Variants in CACNA2D3 observed in about 807,000 individuals in gnomAD.
CACNA2D3 encodes the protein calcium voltage-gated channel auxiliary subunit alpha2delta 3.
CACNA2D3 carries 60 observed loss-of-function variants against 160.6 expected under a neutral mutation model. The ratio of observed to expected loss-of-function variants is 0.37; its 90% CI spans 0.30 to 0.46. The LOEUF is 0.46. Among genes scored for constraint, CACNA2D3 ranks in the 20% least tolerant of loss-of-function variants. The probability of loss-of-function intolerance (pLI) is 1.00; values close to 1 mark genes in which losing one functional copy is unlikely to be tolerated. For missense variants in CACNA2D3, 1,205 were observed against 1,365.0 expected, an observed-to-expected ratio of 0.88 and a Z score of 1.85; for synonymous variants, 558 against 492.9, an observed-to-expected ratio of 1.13 and a Z score of -1.75.
intron 2 of CACNA2D3, among the ~76,000 whole-genome samples, chr3:54,298,628 G>A (rs58976292): frequency 0.23 from 35,315 of 151,896 alleles, 4,313 homozygotes; most frequent in South Asian, 0.34. Flanking sequence ...GCAAAACCTT[G>A]TCTCTATAAA....
intron 25 of CACNA2D3, among the ~76,000 whole-genome samples, chr3:54,892,577 G>C (rs1315374535): frequency 6.6e-6 from 1 of 152,108 alleles, no homozygotes; most frequent in Non-Finnish European, 1.5e-5. Flanking sequence ...TTTGATTATA[G>C]TTGCAACTTG....
rs550478745 is a variant in CACNA2D3 at position 54,920,466 on chromosome 3, G to T, written c.2449+20598G>T. Among the ~76,000 whole-genome samples the T allele has an allele frequency of 5.9e-5, 9 of 152,288 alleles. No individual in the cohort carries two copies. The South Asian group carries it at 1.9e-3, about 32-fold the overall frequency. ...TCTCTAGCAATCCTTTGAGGAAACAGTCCTCACCCTAAAGCAGAAAGATAA... is the reference window on the plus strand; with the variant it reads ...TCTCTAGCAATCCTTTGAGGAAACATTCCTCACCCTAAAGCAGAAAGATAA... On this transcript the variant is annotated intron_variant, in intron 27 of 37. Coordinates refer to ENST00000474759, the MANE Select transcript of CACNA2D3 (RefSeq NM_018398.3).
intron 5 of CACNA2D3, among the ~76,000 whole-genome samples, chr3:54,534,990 C>T (rs1054823981): frequency 6.6e-6 from 1 of 152,182 alleles, no homozygotes; most frequent in Non-Finnish European, 1.5e-5. Flanking sequence ...CAATTCTTCT[C>T]TGACTTTATT....
In CACNA2D3 at chr3:54,536,631, G is replaced by C. The variant is rs371865918; in HGVS notation, c.545-26169G>C. Reference sequence around the variant, plus strand: ...TGCTGCTGCTCTGTGAGCCAGCTCTGGGTAGGTGGCCAGTGAACAGACTGG... The same window carrying C: ...TGCTGCTGCTCTGTGAGCCAGCTCTCGGTAGGTGGCCAGTGAACAGACTGG... On this transcript the variant is annotated intron_variant, in intron 5 of 37. Transcript: ENST00000474759. 2.2e-4 allele frequency among the ~76,000 whole-genome samples: 33 copies of C among 152,304 alleles called. No individual in the cohort carries two copies. The South Asian group carries it at 6.6e-3, about 31-fold the overall frequency.
intron 27 of CACNA2D3, among the ~76,000 whole-genome samples, chr3:54,907,321 T>C (rs891909558): frequency 1.3e-5 from 2 of 152,140 alleles, no homozygotes; most frequent in African/African-American, 2.4e-5. Context: ...GGTGCAGAGG[T>C]TGGATCTCTA....
chr3:54,365,586 G>A (rs954849662), intron 3 of CACNA2D3, among the ~76,000 whole-genome samples: 7 of 152,124 alleles, frequency 4.6e-5, no homozygotes, highest in Non-Finnish European at 5.9e-5. Flanking sequence ...CTATCTGGCC[G>A]GTCACAGTGG....
intron 13 of CACNA2D3, among the ~76,000 whole-genome samples, chr3:54,785,553 C>G (rs1418576586): frequency 1.3e-5 from 2 of 152,142 alleles, no homozygotes. Flanking sequence ...CTCTTGTTTT[C>G]TTTTGTTGTA....
chr3:54,790,720 C>T (rs966266687), intron 13 of CACNA2D3, among the ~76,000 whole-genome samples: 4 of 152,118 alleles, frequency 2.6e-5, no homozygotes, highest in Non-Finnish European at 5.9e-5. Flanking sequence ...CATTGTCACT[C>T]GCACCTCTGG....
chr3:54,225,200 G>C (rs981604446), intron 2 of CACNA2D3, among the ~76,000 whole-genome samples: 1 of 151,882 alleles, frequency 6.6e-6, no homozygotes, highest in Non-Finnish European at 1.5e-5. Flanking sequence ...GAGAAGATGC[G>C]GTGTTTGGTT....
intron 17 of CACNA2D3, among the ~76,000 whole-genome samples, chr3:54,859,988 A>T (rs1424989090): frequency 6.6e-6 from 1 of 151,364 alleles, no homozygotes; most frequent in Non-Finnish European, 1.5e-5. Flanking sequence ...ACACACACAC[A>T]CACACACACA....
chr3:54,800,585 C>T (rs1258070250), intron 13 of CACNA2D3, among the ~76,000 whole-genome samples: 1 of 152,106 alleles, frequency 6.6e-6, no homozygotes, highest in African/African-American at 2.4e-5. Flanking sequence ...TGTGGGGGGC[C>T]TTCCCTCCAC....
At chr3:54,342,458 G>A (rs1397355068) in intron 3 of CACNA2D3, among the ~76,000 whole-genome samples, 1 of 152,124 alleles carries the variant, frequency 6.6e-6, no homozygotes. Context: ...CATGGAGAGG[G>A]CATGTGCAGG....
Position 54,185,370 on chromosome 3 carries a change from G to C in CACNA2D3, c.204+61776G>C, listed in dbSNP as rs77223441. On this transcript the variant is annotated intron_variant, in intron 2 of 37. Transcript: ENST00000474759. ...AAATTCTACTTTAATTTTTTCCCAA[G>C]TATTTGCACATTAAGGGCTCTTAGA... Among the ~76,000 whole-genome samples, 486 of 152,122 alleles carry C rather than the reference G, an allele frequency of 3.2e-3. 20 individuals carry two copies. In the East Asian group the frequency reaches 0.083, roughly 26 times the overall value.
intron 27 of CACNA2D3, chr3:54,901,313 GTCA>G (rs1398503435): frequency 6.6e-6 from 1 of 152,164 alleles, no homozygotes; most frequent in Non-Finnish European, 1.5e-5. Flanking sequence ...TTCTAGTTTA[GTCA>G]TCATGAAGGA....
intron 11 of CACNA2D3, among the ~76,000 whole-genome samples, chr3:54,650,309 C>T (rs1280639150): frequency 1.3e-5 from 2 of 151,978 alleles, no homozygotes; most frequent in Non-Finnish European, 2.9e-5. Context: ...AGTGGTTACT[C>T]ATGCCTCAGC....
rs144490134 is a variant in CACNA2D3, at chr3:54,470,416, G to A, written c.382-33076G>A. Among the ~76,000 whole-genome samples the A allele has an allele frequency of 6.7e-3, 1,016 of 152,210 alleles. 8 individuals are homozygous for A. The highest frequency in any genetic ancestry group is 0.012 in the Non-Finnish European group (791 of 68,022). On this transcript the variant is annotated intron_variant, in intron 4 of 37. Coordinates refer to ENST00000474759, the MANE Select transcript of CACNA2D3 (RefSeq NM_018398.3). ...TGTCATCACCAGGCTTCCCTTCCACGAGCTCCTGAAGGAAGCACTAAATAT... is the reference window on the plus strand; with the variant it reads ...TGTCATCACCAGGCTTCCCTTCCACAAGCTCCTGAAGGAAGCACTAAATAT...
chr3:54,609,830 A>G (rs1277258422), intron 9 of CACNA2D3, among the ~76,000 whole-genome samples: 1 of 152,178 alleles, frequency 6.6e-6, no homozygotes, highest in East Asian at 1.9e-4. Context: ...GTAGGTGGTG[A>G]TTTGGGAAAT....
intron 2 of CACNA2D3, among the ~76,000 whole-genome samples, chr3:54,211,420 C>T (rs1373986954): frequency 1.3e-5 from 2 of 152,156 alleles, no homozygotes; most frequent in East Asian, 3.8e-4. Context: ...ATCATTTCAC[C>T]TGTGGGCACT....
intron 4 of CACNA2D3, among the ~76,000 whole-genome samples, chr3:54,393,703 G>C (rs1223240532): frequency 1.3e-5 from 2 of 152,226 alleles, no homozygotes; most frequent in Non-Finnish European, 2.9e-5. Context: ...AACTCGTGGG[G>C]AAATGGAGCC....
Sources: gnomAD v4.1 joint callset for allele counts (sites outside exome capture counted in the v4.1 genomes callset) on GRCh38, gnomAD v4.1.1 for gene constraint, MANE v1.5 for transcripts, NCBI Gene and HGNC (gene_info 2026-07-23, HGNC 2026-07-21) for gene names.